NEDD9: variants seen among roughly 807,000 people sequenced by gnomAD.
NEDD9 encodes neural precursor cell expressed, developmentally down-regulated 9.
A neutral mutation model predicts 76.6 loss-of-function variants in NEDD9; 26 were observed. The observed-to-expected ratio is 0.34, with a 90% CI of 0.25 to 0.47. NEDD9 has a LOEUF of 0.47. NEDD9 is among the 20% of genes least tolerant of loss of function. The pLI, the probability that NEDD9 is intolerant of heterozygous loss-of-function variation, is 1.00. For synonymous variants in NEDD9, 392 were observed against 414.2 expected (o/e 0.95, Z 0.65); for missense variants, 937 against 1,058.5 (o/e 0.89, Z 1.59).
chr6:11,215,097 T>C (rs2113762084), intron 1 of NEDD9, among the ~76,000 whole-genome samples: 2 of 152,266 alleles, frequency 1.3e-5, no homozygotes. Context: ...TGTTTTCCGC[T>C]CTGGAGGGCT....
At chr6:11,311,774 C>A (rs1429201658) in intron 2 of NEDD9, among the ~76,000 whole-genome samples, 1 of 152,122 alleles carries the variant, frequency 6.6e-6, no homozygotes, top group Non-Finnish European at 1.5e-5. Flanking sequence ...TTGGGTCGGG[C>A]GCAGAAGAAA....
intron 3 of NEDD9, among the ~76,000 whole-genome samples, chr6:11,247,626 A>G (rs1215934882): frequency 6.6e-6 from 1 of 152,208 alleles, no homozygotes; most frequent in African/African-American, 2.4e-5. Context: ...GACCTCTGGC[A>G]AATACTCATC....
At chr6:11,271,293 T>G (rs1277488234) in intron 3 of NEDD9, among the ~76,000 whole-genome samples, 1 of 152,228 alleles carries the variant, frequency 6.6e-6, no homozygotes, top group Admixed American at 6.5e-5. Flanking sequence ...CACCTTGGCC[T>G]CTCAAAGTGC....
At chr6:11,232,810 G>C, upstream of NEDD9, 1 of 912,746 alleles carries the variant, frequency 1.1e-6, no homozygotes, top group Non-Finnish European at 1.5e-6. Flanking sequence ...TAATGTGATC[G>C]CTTCTTTTTG....
chr6:11,198,120 T>C lies in NEDD9; in HGVS notation c.460-4428A>G, dbSNP rs1758335195. Among the ~76,000 whole-genome samples the C allele has an allele frequency of 6.6e-6, 1 of 152,198 alleles. No individual in the cohort carries two copies. Among genetic ancestry groups the C allele is most frequent in the Non-Finnish European group, 1.5e-5 (1 of 68,032 alleles). On this transcript the variant is annotated intron_variant, in intron 2 of 6. Coordinates refer to ENST00000379446, the MANE Select transcript of NEDD9 (RefSeq NM_006403.4). This position sits in a 1 kb window ranked among gnomAD's most constrained non-coding sequence, Gnocchi z 4.7. ...CCTTCTACCGAAAGAGGGAAGACATTGCGCCCTGTGTTGCCAGATCTTTCA... is the reference window on the plus strand; with the variant it reads ...CCTTCTACCGAAAGAGGGAAGACATCGCGCCCTGTGTTGCCAGATCTTTCA...
At chr6:11,236,768 G>A (rs1363248456), upstream of NEDD9, among the ~76,000 whole-genome samples, 8 of 152,134 alleles carry the variant, frequency 5.3e-5, no homozygotes, top group South Asian at 2.1e-4. This position sits in a 1 kb window ranked among gnomAD's most constrained non-coding sequence, Gnocchi z 5.5. Flanking sequence ...TGCTCACTAC[G>A]TGTTTAATTC....
At chr6:11,355,061 T>A (rs1185091574) in intron 1 of NEDD9, among the ~76,000 whole-genome samples, 2 of 152,186 alleles carry the variant, frequency 1.3e-5, no homozygotes, top group East Asian at 3.8e-4. Flanking sequence ...GAGTTCTGAC[T>A]AATACACAGA....
chr6:11,225,694 G>A (rs1385266456), intron 1 of NEDD9, among the ~76,000 whole-genome samples: 1 of 151,952 alleles, frequency 6.6e-6, no homozygotes, highest in African/African-American at 2.4e-5. Flanking sequence ...GTAGAGACGG[G>A]GTTTCACCGT....
intron 1 of NEDD9, among the ~76,000 whole-genome samples, chr6:11,379,873 C>T (rs77139042): frequency 3.8e-4 from 58 of 152,332 alleles, no homozygotes; most frequent in African/African-American, 1.3e-3. Context: ...CATGCTCTAT[C>T]TATGTATCTT....
chr6:11,330,978 G>A (rs775620868), intron 2 of NEDD9, among the ~76,000 whole-genome samples: 6 of 152,132 alleles, frequency 3.9e-5, no homozygotes, highest in Non-Finnish European at 8.8e-5. Context: ...GGAATATTGT[G>A]TAGATACTCT....
upstream of NEDD9, among the ~76,000 whole-genome samples, chr6:11,234,372 A>T (rs1310125441): frequency 6.6e-6 from 1 of 152,206 alleles, no homozygotes; most frequent in Non-Finnish European, 1.5e-5. Flanking sequence ...GGCCTCCAAG[A>T]GATCTAGATA....
intron 2 of NEDD9, among the ~76,000 whole-genome samples, chr6:11,310,002 C>T (rs1679786167): frequency 6.6e-6 from 1 of 151,982 alleles, no homozygotes; most frequent in Admixed American, 6.5e-5. Flanking sequence ...CCAGGGGATA[C>T]ATCGACACGC....
chr6:11,244,801 A>G (rs1759777265), intron 3 of NEDD9, among the ~76,000 whole-genome samples: 1 of 152,204 alleles, frequency 6.6e-6, no homozygotes. Flanking sequence ...GTCCATGTGC[A>G]AAAAGAAGCA....
At chr6:11,257,810 T>TGTGTGTGCGTGTGTGC (rs1340885962) in intron 3 of NEDD9, among the ~76,000 whole-genome samples, 1 of 151,296 alleles carries the variant, frequency 6.6e-6, no homozygotes, top group African/African-American at 2.4e-5. Flanking sequence ...TGTGTGTGTG[T>TGTGTGTGCGTGTGTGC]GCAGTACGGC....
chr6:11,244,492 A>G (rs1759770874), intron 3 of NEDD9, among the ~76,000 whole-genome samples: 1 of 152,178 alleles, frequency 6.6e-6, no homozygotes, highest in Admixed American at 6.5e-5. Flanking sequence ...GCCAAGGCAC[A>G]TCAATATTTA....
intron 3 of NEDD9, among the ~76,000 whole-genome samples, chr6:11,268,499 G>A (rs879816546): frequency 5.3e-5 from 8 of 152,120 alleles, no homozygotes; most frequent in Admixed American, 1.3e-4. Flanking sequence ...AGGCCGAAGC[G>A]GGCAGATCAC....
chr6:11,378,650 T>C (rs1026112158), intron 1 of NEDD9, among the ~76,000 whole-genome samples: 11 of 152,198 alleles, frequency 7.2e-5, no homozygotes, highest in Admixed American at 4.6e-4. Flanking sequence ...GTATAAAATG[T>C]TACAATATTT....
rs1344573335 is a variant in NEDD9 at position 11,262,867 on chromosome 6, C to A, written c.12+43125G>T. ...ATAAAATCAGATGACATTTAAAATGCAAAATCATACATTAAAGTGTAAATT... is the reference window on the plus strand; with the variant it reads ...ATAAAATCAGATGACATTTAAAATGAAAAATCATACATTAAAGTGTAAATT... On this transcript the variant is annotated intron_variant, in intron 3 of 3. Coordinates refer to the NEDD9 transcript ENST00000397378. Among the ~76,000 whole-genome samples, 4 of 152,198 alleles carry A rather than the reference C, an allele frequency of 2.6e-5. No individual in the cohort carries two copies. The East Asian group carries it at 7.7e-4, about 29-fold the overall frequency.
At chr6:11,229,102 A>T (rs1322455200) in intron 1 of NEDD9, among the ~76,000 whole-genome samples, 1 of 152,208 alleles carries the variant, frequency 6.6e-6, no homozygotes, top group Admixed American at 6.5e-5. Flanking sequence ...AAAGCGTTTC[A>T]CGGCACACAG....
Sources: allele counts gnomAD v4.1 joint callset (sites outside exome capture counted in the v4.1 genomes callset), GRCh38; gene constraint gnomAD v4.1.1; non-coding constraint Gnocchi (gnomAD v3.1); transcripts MANE v1.5; gene names NCBI Gene and HGNC (gene_info 2026-07-23, HGNC 2026-07-21).